The following SHROOM3 variants were observed in gnomAD, a reference collection of about 807,000 sequenced individuals.
The protein encoded by SHROOM3 is protein Shroom3.
In SHROOM3, 47 loss-of-function variants were observed where a neutral mutation model predicts 138.6. The observed-to-expected ratio is 0.34, with a 90% CI of 0.27 to 0.43. SHROOM3 has a LOEUF of 0.43. Ranked by LOEUF, SHROOM3 falls within the 20% of genes least tolerant of loss-of-function variation. The pLI is 1.00. For missense variants in SHROOM3, 2,491 were observed against 2,596.5 expected (o/e 0.96, Z 0.88); for synonymous variants, 1,062 against 1,063.3 (o/e 1.00, Z 0.02).
At chr4:76,558,993 A>G (rs1478868184) in intron 2 of SHROOM3, among the ~76,000 whole-genome samples, 1 of 151,974 alleles carries the variant, frequency 6.6e-6, no homozygotes. Flanking sequence ...TCTCCTCTCC[A>G]TTTTCATTCT....
intron 1 of SHROOM3, among the ~76,000 whole-genome samples, chr4:76,460,352 A>G (rs991083723): frequency 9.9e-5 from 15 of 152,170 alleles, no homozygotes; most frequent in African/African-American, 3.6e-4. Flanking sequence ...AGATGCACAA[A>G]CACAACATTT....
At chr4:76,623,796 G>A (rs1233128459) in intron 2 of SHROOM3, among the ~76,000 whole-genome samples, 1 of 152,184 alleles carries the variant, frequency 6.6e-6, no homozygotes, top group Non-Finnish European at 1.5e-5. Context: ...AGTGTGAGCT[G>A]AGAGTGTGGA....
At chr4:76,466,780 T>A (rs1314907217) in intron 1 of SHROOM3, among the ~76,000 whole-genome samples, 1 of 152,082 alleles carries the variant, frequency 6.6e-6, no homozygotes, top group Non-Finnish European at 1.5e-5. Context: ...CTAAGAGCCA[T>A]AAAGGAATCC....
intron 10 of SHROOM3, among the ~76,000 whole-genome samples, chr4:76,776,388 CTG>C (rs1722570074): frequency 6.6e-6 from 1 of 152,204 alleles, no homozygotes; most frequent in Non-Finnish European, 1.5e-5. Flanking sequence ...TTCTCCCACT[CTG>C]TGGGTTGTCT....
rs560880866 is a variant in SHROOM3, at chr4:76,718,005, C to T, written c.455+7718C>T. Among the ~76,000 whole-genome samples the T allele has an allele frequency of 2.1e-4, 32 of 152,182 alleles. No individual in the cohort carries two copies. The East Asian group carries it at 6.0e-3, about 28-fold the overall frequency. Reference sequence around the variant, plus strand: ...ATGTCAGCGCTTGCTTCTATAGATGCCTTTACTTAAAATAGGACATGGAAA... The same window carrying T: ...ATGTCAGCGCTTGCTTCTATAGATGTCTTTACTTAAAATAGGACATGGAAA... On this transcript the variant is annotated intron_variant, in intron 3 of 10. Coordinates refer to ENST00000296043, the MANE Select transcript of SHROOM3 (RefSeq NM_020859.4).
At chr4:76,770,925 CAAGTTCTCCCTCA>C in intron 10 of SHROOM3, 27 bp downstream of exon 10, 3 of 1,614,028 alleles carry the variant, frequency 1.9e-6, no homozygotes, top group Non-Finnish European at 2.5e-6. Flanking sequence ...TGCAGTTCAA[CAAGTTCTCCCTCA>C]AAGCCCACAT....
chr4:76,529,009 CTG>C (rs1732772996), intron 1 of SHROOM3, among the ~76,000 whole-genome samples: 1 of 152,228 alleles, frequency 6.6e-6, no homozygotes, highest in Non-Finnish European at 1.5e-5. Context: ...TCTATCCTCA[CTG>C]CCATCTGCCG....
At chr4:76,772,597 G>A (rs1308185660) in intron 10 of SHROOM3, among the ~76,000 whole-genome samples, 2 of 152,194 alleles carry the variant, frequency 1.3e-5, no homozygotes, top group Non-Finnish European at 2.9e-5. Context: ...TCTTCCTCGT[G>A]TAAATGTGCT....
At chr4:76,507,766 G>A (rs555629064) in intron 1 of SHROOM3, among the ~76,000 whole-genome samples, 1 of 151,934 alleles carries the variant, frequency 6.6e-6, no homozygotes, top group South Asian at 2.1e-4. Flanking sequence ...GGATGGTCTC[G>A]ATCTCCTGAC....
intron 2 of SHROOM3, among the ~76,000 whole-genome samples, chr4:76,621,484 G>A (rs1413538227): frequency 6.6e-6 from 1 of 152,208 alleles, no homozygotes; most frequent in East Asian, 1.9e-4. Context: ...TTGAGCCTTG[G>A]AGGTTATTTA....
At chr4:76,745,639 A>G (rs1034373638) in intron 5 of SHROOM3, among the ~76,000 whole-genome samples, 5 of 152,234 alleles carry the variant, frequency 3.3e-5, no homozygotes, top group African/African-American at 1.2e-4. Flanking sequence ...GCTAACAATA[A>G]TCAAATTTTT....
At chr4:76,714,892 T>A (rs1489343745) in intron 3 of SHROOM3, among the ~76,000 whole-genome samples, 2 of 152,218 alleles carry the variant, frequency 1.3e-5, no homozygotes, top group African/African-American at 4.8e-5. Context: ...ATTTTGTTGT[T>A]CAAATGGATC....
At chr4:76,769,970 A>G (rs1722294601) in intron 9 of SHROOM3, among the ~76,000 whole-genome samples, 2 of 152,268 alleles carry the variant, frequency 1.3e-5, no homozygotes, top group South Asian at 4.1e-4. Flanking sequence ...CTACCTGCCT[A>G]CTTACCCATA....
Position 76,689,669 on chromosome 4 carries a change from C to T in SHROOM3, c.324-20487C>T, listed in dbSNP as rs559660372. 70 of 985,428 alleles carry T rather than the reference C, an allele frequency of 7.1e-5. No individual in the cohort carries two copies. In the South Asian group the frequency reaches 9.4e-4, roughly 13 times the overall value. The allele number at this position is 985,428 out of a possible 1,614,324, so 61.0% of individuals were successfully genotyped here. On this transcript the variant is annotated intron_variant, in intron 2 of 10. Coordinates refer to ENST00000296043, the MANE Select transcript of SHROOM3 (RefSeq NM_020859.4). ...GGCGTCGGCCTGGAGCCCCGAGCAG[C>T]CCGGGGGCGGCGGCCGCGAGGCGAG...
intron 2 of SHROOM3, among the ~76,000 whole-genome samples, chr4:76,599,372 A>G (rs1329462555): frequency 1.3e-5 from 2 of 152,166 alleles, no homozygotes; most frequent in Non-Finnish European, 2.9e-5. Context: ...TTGTGATCCC[A>G]TTCAAGCACA....
At chr4:76,537,969 A>G (rs1192263979) in intron 1 of SHROOM3, among the ~76,000 whole-genome samples, 1 of 152,170 alleles carries the variant, frequency 6.6e-6, no homozygotes, top group African/African-American at 2.4e-5. Flanking sequence ...GTGCAGTGGC[A>G]TGATCTCTGC....
At position 76,756,603 on chromosome 4, in the gene SHROOM3, G is replaced by A. The variant is rs750995543; in HGVS notation, c.4864G>A (p.Ala1622Thr). 1.4e-5 allele frequency: 22 copies of A among 1,613,394 alleles called. No homozygotes were observed. Among genetic ancestry groups the A allele is most frequent in the South Asian group, 6.6e-5 (6 of 91,008 alleles). Reference sequence around the variant, plus strand: ...ACCACCCTCCTTCATGAGCGTTCACGCCCAACTTGCTGGGTCTCTTGGTGG... The same window carrying A: ...ACCACCCTCCTTCATGAGCGTTCACACCCAACTTGCTGGGTCTCTTGGTGG... Reference protein sequence around the residue: ...STPPSFMSVHAQLAGSLGGQP... With the variant: ...STPPSFMSVHTQLAGSLGGQP... The change falls in exon 8 of 11, where the codon GCC becomes ACC. Residue 1622 changes from alanine to threonine, a missense_variant. Coordinates refer to ENST00000296043, the MANE Select transcript of SHROOM3 (RefSeq NM_020859.4).
chr4:76,573,036 G>A (rs1319494444), intron 2 of SHROOM3, among the ~76,000 whole-genome samples: 1 of 151,384 alleles, frequency 6.6e-6, no homozygotes, highest in African/African-American at 2.4e-5. Context: ...AGCTGAGATT[G>A]CACCACTGCA....
At chr4:76,483,397 AG>A (rs1178660012) in intron 1 of SHROOM3, among the ~76,000 whole-genome samples, 1 of 152,224 alleles carries the variant, frequency 6.6e-6, no homozygotes, top group East Asian at 1.9e-4. Context: ...TATGAAAAAA[AG>A]CTCATCATCA....
Sources: allele counts gnomAD v4.1 joint callset (sites outside exome capture counted in the v4.1 genomes callset), GRCh38; gene constraint gnomAD v4.1.1; transcripts MANE v1.5; gene names NCBI Gene and HGNC (gene_info 2026-07-23, HGNC 2026-07-21).